The following NAAA variants were observed in gnomAD, a reference collection of about 807,000 sequenced individuals.
NAAA encodes the protein N-acylethanolamine-hydrolyzing acid amidase.
Under a neutral mutation model 44.8 loss-of-function variants are expected in NAAA, and 39 were observed. The ratio of observed to expected loss-of-function variants is 0.87; its 90% confidence interval spans 0.67 to 1.14. The LOEUF (loss-of-function observed/expected upper bound fraction) is 1.14. Ranked by LOEUF, NAAA falls within the 50% of genes most tolerant of loss-of-function variation. The pLI, the probability that NAAA is intolerant of heterozygous loss-of-function variation, is 0.00. For missense variants in NAAA, 460 were observed against 467.8 expected, an observed-to-expected ratio of 0.98 and a Z score of 0.15; for synonymous variants, 178 against 191.3, an observed-to-expected ratio of 0.93 and a Z score of 0.58.
chr4:75,923,171 T>C (rs1430100359), intron 5 of NAAA, among the ~76,000 whole-genome samples: 1 of 152,158 alleles, frequency 6.6e-6, no homozygotes, highest in African/African-American at 2.4e-5. Flanking sequence ...GCCTCCTGAG[T>C]GTCTGGGACT....
intron 3 of NAAA, among the ~76,000 whole-genome samples, chr4:75,932,319 A>AT (rs1444378368): frequency 6.6e-6 from 1 of 152,242 alleles, no homozygotes; most frequent in African/African-American, 2.4e-5. Flanking sequence ...AAGTTAGAAT[A>AT]TCAAAGTGGG....
intron 4 of NAAA, 94 bp downstream of exon 4, chr4:75,931,120 T>C: frequency 1.1e-6 from 1 of 912,510 alleles, no homozygotes; most frequent in Non-Finnish European, 1.7e-6. Flanking sequence ...ACATAGTGGG[T>C]GTTCTGTATA....
In NAAA at chr4:75,936,130, C is replaced by A; in HGVS notation, c.477G>T (p.Val159=). ...ATACCTGCCCATTCTTTAAGAATTG[C>A]ACATCCACTGTCAGCTTGCGTAAGA... The part of the protein sequence containing the change: ...GNVLRKLTVD[V]QFLKNGQIAF... Residue 159 remains valine, a synonymous_variant, in exon 3 of 11, where the codon GTG becomes GTT. Coordinates refer to ENST00000286733, the MANE Select transcript of NAAA (RefSeq NM_014435.4). 1.9e-6 allele frequency: 3 copies of A among 1,614,048 alleles called. No individual in the cohort carries two copies. Among genetic ancestry groups the A allele is most frequent in the Non-Finnish European group, 2.5e-6 (3 of 1,179,994 alleles).
At chr4:75,915,928 G>C (rs1296135773) in intron 9 of NAAA, among the ~76,000 whole-genome samples, 2 of 152,200 alleles carry the variant, frequency 1.3e-5, no homozygotes, top group Non-Finnish European at 2.9e-5. Context: ...ATCGGAGCTG[G>C]GTTGTTCAGA....
intron 9 of NAAA, chr4:75,916,478 A>G (rs1424813964): frequency 2.0e-5 from 3 of 152,232 alleles, no homozygotes; most frequent in African/African-American, 7.2e-5. Flanking sequence ...AAACCATTTC[A>G]GAAACCATTT....
intron 4 of NAAA, among the ~76,000 whole-genome samples, chr4:75,929,260 T>C (rs993397502): frequency 6.6e-6 from 1 of 152,208 alleles, no homozygotes; most frequent in African/African-American, 2.4e-5. Context: ...GTGGCATTCA[T>C]TAGTCCTCCT....
Position 75,940,982 on chromosome 4 carries a change from C to G in NAAA, c.-33G>C. On this transcript the variant is annotated 5_prime_UTR_variant, in exon 1 of 11. Transcript: ENST00000286733. ...GCTCCAGCGGCCGCAACTTGGAGAC[C>G]TGCAGCCGCTGTCGGAGCCCGGGTA... 1.4e-6 allele frequency: 2 copies of G among 1,441,546 alleles called. No individual in the cohort carries two copies. The highest frequency in any genetic ancestry group is 1.8e-6 in the Non-Finnish European group (2 of 1,108,256). The allele number at this position is 1,441,546 out of a possible 1,614,324, so 89.3% of individuals were successfully genotyped here. A position where few individuals can be genotyped will look rare whatever the true frequency, so the allele number is the denominator to read the frequency against.
At chr4:75,923,152 C>T (rs1257354935) in intron 5 of NAAA, among the ~76,000 whole-genome samples, 6 of 152,140 alleles carry the variant, frequency 3.9e-5, no homozygotes, top group Non-Finnish European at 4.4e-5. Context: ...AAGGGATCCT[C>T]CCGCCTCAGC....
chr4:75,922,098 G>C (rs1198551529), intron 5 of NAAA, among the ~76,000 whole-genome samples: 2 of 152,154 alleles, frequency 1.3e-5, no homozygotes, highest in African/African-American at 2.4e-5. Flanking sequence ...ACATTGTCAA[G>C]GGTGGAGGTG....
chr4:75,912,620 C>T (rs561360053), downstream of NAAA, among the ~76,000 whole-genome samples: 108 of 149,880 alleles, frequency 7.2e-4, no homozygotes, highest in Non-Finnish European at 9.5e-4. Context: ...ACTAAAAATA[C>T]AGAATAAGCT....
intron 3 of NAAA, 73 bp from the exon 4 acceptor site, chr4:75,931,377 C>T (rs951150639): frequency 2.6e-6 from 3 of 1,141,856 alleles, no homozygotes; most frequent in Non-Finnish European, 3.8e-6. Flanking sequence ...TTCTGCCCCA[C>T]AATTTTCTGG....
At chr4:75,917,357 AT>A (rs1391424729) in intron 9 of NAAA, 2 of 152,358 alleles carry the variant, frequency 1.3e-5, no homozygotes, top group Non-Finnish European at 2.9e-5. Context: ...GAATTTTTTC[AT>A]TTGTCCCTTC....
downstream of NAAA, among the ~76,000 whole-genome samples, chr4:75,912,505 G>A (rs1725367295): frequency 6.7e-6 from 1 of 148,610 alleles, no homozygotes; most frequent in Non-Finnish European, 1.5e-5. Context: ...AGTGAGCCGA[G>A]ATCGTGCCAT....
intron 4 of NAAA, among the ~76,000 whole-genome samples, chr4:75,928,933 A>G (rs903670114): frequency 4.8e-5 from 7 of 146,162 alleles, no homozygotes; most frequent in African/African-American, 1.3e-4. Context: ...GACTACAGGC[A>G]CCCGCCACCA....
chr4:75,940,483 C>T (rs2149296421), intron 1 of NAAA, among the ~76,000 whole-genome samples: 1 of 152,358 alleles, frequency 6.6e-6, no homozygotes, highest in South Asian at 2.1e-4. Flanking sequence ...AGCTATGCAG[C>T]CCGGGCGACA....
downstream of NAAA, among the ~76,000 whole-genome samples, chr4:75,911,022 C>T (rs1056510353): frequency 9.2e-5 from 14 of 151,844 alleles, no homozygotes; most frequent in South Asian, 8.3e-4. Context: ...TTCTCAAGGG[C>T]GGAGAGGATA....
At chr4:75,936,333 G>C (rs1727716615) in intron 2 of NAAA, 98 bp from the exon 3 acceptor site, 2 of 1,402,660 alleles carry the variant, frequency 1.4e-6, no homozygotes, top group Non-Finnish European at 1.9e-6. Context: ...CAAAGTAAAA[G>C]TTTTTCTTCC....
chr4:75,938,879 G>T (rs1222155242), intron 2 of NAAA, among the ~76,000 whole-genome samples: 1 of 152,006 alleles, frequency 6.6e-6, no homozygotes, highest in Non-Finnish European at 1.5e-5. Flanking sequence ...ATGGAATCTC[G>T]CTTTGTCGCC....
chr4:75,923,827 C>T (rs191383270), intron 5 of NAAA, among the ~76,000 whole-genome samples: 31 of 152,146 alleles, frequency 2.0e-4, no homozygotes, highest in African/African-American at 5.3e-4. Context: ...TGTGAGCCAC[C>T]GCGCCCGGCC....
Sources: gnomAD v4.1 joint callset for allele counts (sites outside exome capture counted in the v4.1 genomes callset) on GRCh38, gnomAD v4.1.1 for gene constraint, MANE v1.5 for transcripts, NCBI Gene and HGNC (gene_info 2026-07-23, HGNC 2026-07-21) for gene names.